Variants in C10orf143 observed in about 807,000 individuals in gnomAD.
C10orf143 encodes the protein chromosome 10 open reading frame 143, also known as uncharacterized protein C10orf143.
At chr10:130,049,409 T>G (rs1048433913) in intron 3 of C10orf143, among the ~76,000 whole-genome samples, 1 of 151,944 alleles carries the variant, frequency 6.6e-6, no homozygotes, top group Non-Finnish European at 1.5e-5. Flanking sequence ...TGATTCCAAG[T>G]GGAAAACATG....
intron 1 of C10orf143, among the ~76,000 whole-genome samples, chr10:130,096,161 G>A (rs973528588): frequency 5.9e-5 from 9 of 152,080 alleles, no homozygotes; most frequent in African/African-American, 1.9e-4. Context: ...CTGAAAAGAA[G>A]ACATTTATGA....
At chr10:130,103,136 G>A (rs1007725474) in intron 1 of C10orf143, among the ~76,000 whole-genome samples, 4 of 151,872 alleles carry the variant, frequency 2.6e-5, no homozygotes, top group African/African-American at 4.8e-5. Context: ...GAGCCACTAC[G>A]CCCAGCTAAT....
At chr10:130,066,838 C>T (rs1037510529) in intron 3 of C10orf143, 1 of 152,188 alleles carries the variant, frequency 6.6e-6, no homozygotes, top group Non-Finnish European at 1.5e-5. Flanking sequence ...CACCAGCCAC[C>T]AGAGGCAGGT....
chr10:130,053,477 G>C (rs1282887143), intron 3 of C10orf143, among the ~76,000 whole-genome samples: 1 of 152,192 alleles, frequency 6.6e-6, no homozygotes, highest in Non-Finnish European at 1.5e-5. Context: ...TAAGGTTTTT[G>C]GGACCACAGA....
chr10:130,074,118 A>G (rs1861076102), intron 3 of C10orf143, among the ~76,000 whole-genome samples: 2 of 152,312 alleles, frequency 1.3e-5, no homozygotes, highest in South Asian at 4.1e-4. Flanking sequence ...TTGGGGAGTG[A>G]TGCCGGCATG....
chr10:130,082,321 T>G (rs1035292919), intron 1 of C10orf143, among the ~76,000 whole-genome samples: 11 of 152,080 alleles, frequency 7.2e-5, no homozygotes, highest in Non-Finnish European at 1.5e-4. Context: ...AGGATGGACT[T>G]TTTAATATAC....
chr10:130,108,436 A>C (rs756484942), intron 1 of C10orf143: 19 of 829,062 alleles, frequency 2.3e-5, no homozygotes, highest in Non-Finnish European at 2.2e-6. Context: ...AACATCCAAA[A>C]CCGCAGCAAG....
chr10:130,106,059 G>A (rs1257089870), intron 1 of C10orf143: 1 of 571,132 alleles, frequency 1.8e-6, no homozygotes, highest in Non-Finnish European at 3.4e-6. Flanking sequence ...TTGGAGCCAG[G>A]GGCTACCCCT....
intron 1 of C10orf143, among the ~76,000 whole-genome samples, chr10:130,098,839 CACTTTGGGA>C (rs1045673266): frequency 2.0e-5 from 3 of 152,152 alleles, no homozygotes; most frequent in African/African-American, 7.2e-5. Context: ...GTAATCCTAG[CACTTTGGGA>C]GGCCGAGGTG....
downstream of C10orf143, among the ~76,000 whole-genome samples, chr10:130,059,623 A>C (rs1413792026): frequency 6.6e-6 from 1 of 152,214 alleles, no homozygotes; most frequent in East Asian, 1.9e-4. Context: ...CTTCTACATC[A>C]ACTACCAATT....
At chr10:130,090,014 A>G (rs1861354677) in intron 1 of C10orf143, among the ~76,000 whole-genome samples, 1 of 152,232 alleles carries the variant, frequency 6.6e-6, no homozygotes, top group Admixed American at 6.5e-5. Context: ...TTTCTCAGAT[A>G]CAACACCAAA....
At chr10:130,048,442 G>A (rs564768583) in intron 3 of C10orf143, among the ~76,000 whole-genome samples, 1 of 152,250 alleles carries the variant, frequency 6.6e-6, no homozygotes, top group South Asian at 2.1e-4. Context: ...CCTGTGACTG[G>A]CTGGATACAC....
rs144293838 is a variant in C10orf143 at position 130,070,287 on chromosome 10, G to C, written c.298-5904C>G. On this transcript the variant is annotated intron_variant, in intron 3 of 3. Transcript: ENST00000637128. ...CAGTTTTGGTAACTGAATTTTCTGG[G>C]GTGGGGAGAGGAACCCCACTGCAGT... Among the ~76,000 whole-genome samples the C allele has an allele frequency of 3.4e-3, 519 of 152,016 alleles. 2 individuals carry two copies. Among genetic ancestry groups the C allele is most frequent in the African/African-American group, 0.011 (458 of 41,462 alleles).
At position 130,053,898 on chromosome 10, in the gene C10orf143, G is replaced by A. The variant is rs574934064; in HGVS notation, c.298-17928C>T. 2.2e-4 allele frequency among the ~76,000 whole-genome samples: 34 copies of A among 152,334 alleles called. No homozygotes were observed. The South Asian group carries it at 6.6e-3, about 30-fold the overall frequency. On this transcript the variant is annotated intron_variant and NMD_transcript_variant, in intron 3 of 5. Transcript: ENST00000643056. ...GGCCCCTTAGGGACCATGCCTGGAT[G>A]GGGAGATTCTCACGTGGGAGAGTGA...
Position 130,043,149 on chromosome 10 carries a change from T to C in C10orf143, c.298-7179A>G, listed in dbSNP as rs1405226713. 2.0e-5 allele frequency among the ~76,000 whole-genome samples: 3 copies of C among 152,276 alleles called. No individual in the cohort carries two copies. The South Asian group carries it at 6.2e-4, about 32-fold the overall frequency. The stretch of plus-strand genomic sequence containing the variant: ...TAAGAAAGTTAAGCAGCTGATATAA[T>C]TAAAACACCAACAGATGAGACAATG... On this transcript the variant is annotated intron_variant and NMD_transcript_variant, in intron 3 of 5. Coordinates refer to the C10orf143 transcript ENST00000643056.
At chr10:130,098,057 T>C (rs1321820846) in intron 1 of C10orf143, among the ~76,000 whole-genome samples, 1 of 150,354 alleles carries the variant, frequency 6.7e-6, no homozygotes, top group Non-Finnish European at 1.5e-5. Context: ...GCATGGTGGC[T>C]CACACCTGTA....
intron 1 of C10orf143, chr10:130,104,196 C>G (rs1353871152): frequency 6.6e-6 from 1 of 152,202 alleles, no homozygotes; most frequent in Non-Finnish European, 1.5e-5. Flanking sequence ...GTGCCTAGGA[C>G]AGGGCTTGAG....
intron 3 of C10orf143, among the ~76,000 whole-genome samples, chr10:130,049,507 G>T (rs1195528064): frequency 3.3e-5 from 5 of 152,350 alleles, no homozygotes; most frequent in African/African-American, 1.2e-4. Flanking sequence ...ACCTGGAGGG[G>T]CCCTTGTTGA....
intron 3 of C10orf143, among the ~76,000 whole-genome samples, chr10:130,038,543 G>A (rs964609683): frequency 3.9e-5 from 6 of 152,102 alleles, no homozygotes; most frequent in Non-Finnish European, 5.9e-5. Flanking sequence ...CTCACAATCC[G>A]GGAGGAAAAT....
Sources: allele counts gnomAD v4.1 joint callset (sites outside exome capture counted in the v4.1 genomes callset), GRCh38; gene constraint gnomAD v4.1.1; transcripts MANE v1.5; gene names NCBI Gene and HGNC (gene_info 2026-07-23, HGNC 2026-07-21).